The following NCAPD2 variants were observed in gnomAD, a reference collection of about 807,000 sequenced individuals.
The protein encoded by NCAPD2 is condensin complex subunit 1.
NCAPD2 carries 100 observed loss-of-function variants against 164.5 expected under a neutral mutation model. The ratio of observed to expected loss-of-function variants is 0.61; its 90% confidence interval spans 0.52 to 0.72. The LOEUF is 0.72. Ranked by LOEUF, NCAPD2 falls within the 30% of genes least tolerant of loss-of-function variation. NCAPD2 has a pLI of 0.00. For synonymous variants in NCAPD2, 585 were observed against 642.6 expected (o/e 0.91, Z 1.36); for missense variants, 1,560 against 1,749.2 (o/e 0.89, Z 1.93).
chr12:6,512,324 C>T (rs1045295399), intron 6 of NCAPD2, among the ~76,000 whole-genome samples: 3 of 147,416 alleles, frequency 2.0e-5, no homozygotes, highest in African/African-American at 7.5e-5. Context: ...GACAGACAAA[C>T]AGACAGACAA....
intron 16 of NCAPD2, 77 bp from the exon 17 acceptor site, chr12:6,523,185 G>A (rs968060498): frequency 4.0e-6 from 6 of 1,500,854 alleles, no homozygotes; most frequent in Non-Finnish European, 5.6e-6. Context: ...GCACTGTGGT[G>A]GGATAGCCCT....
intron 2 of NCAPD2, among the ~76,000 whole-genome samples, chr12:6,504,202 T>G (rs368635930): frequency 3.6e-4 from 8 of 22,032 alleles, no homozygotes; most frequent in East Asian, 1.5e-3. Context: ...TATATATATA[T>G]ATATATATAT....
rs530151221 is a variant in NCAPD2 at position 6,509,720 on chromosome 12, T to C, written c.131T>C (p.Phe44Ser). The change falls in exon 3 of 32, where the codon TTT becomes TCT. Residue 44 changes from phenylalanine to serine, a missense_variant. Physicochemically the swap from Phe to Ser is radical, Grantham distance 155. Coordinates refer to ENST00000315579, the MANE Select transcript of NCAPD2 (RefSeq NM_014865.4). Reference sequence around the variant, plus strand: ...TTTGTTTTTTCCATCTTCATAGCTTTTCAGGCTGCCTTTCGAGCTCAGGGG... The same window carrying C: ...TTTGTTTTTTCCATCTTCATAGCTTCTCAGGCTGCCTTTCGAGCTCAGGGG... ...IKHLPPQLRAFQAAFRAQGPL... is the reference protein window; with the variant it reads ...IKHLPPQLRASQAAFRAQGPL... 10 of 1,614,032 alleles carry C rather than the reference T, an allele frequency of 6.2e-6. No individual in the cohort carries two copies. Among genetic ancestry groups the C allele is most frequent in the African/African-American group, 5.3e-5 (4 of 75,056 alleles).
At chr12:6,518,509 T>TGTTTTTTTTTTTG (rs1555139592) in intron 13 of NCAPD2, among the ~76,000 whole-genome samples, 2 of 95,638 alleles carry the variant, frequency 2.1e-5, no homozygotes, top group African/African-American at 9.4e-5. Context: ...AACAAGTTTT[T>TGTTTTTTTTTTTG]TTTTTTTTTT....
chr12:6,523,807 T>C (rs1218671467), intron 17 of NCAPD2, among the ~76,000 whole-genome samples: 1 of 152,242 alleles, frequency 6.6e-6, no homozygotes, highest in Non-Finnish European at 1.5e-5. Context: ...AACAGTCTAG[T>C]TGGTAGTGAA....
Position 6,517,655 on chromosome 12 carries a change from G to A in NCAPD2, c.1380G>A (p.Met460Ile), listed in dbSNP as rs748013479. The change falls in exon 12 of 32, where the codon ATG becomes ATA. Residue 460 changes from methionine to isoleucine, a missense_variant. Met to Ile is a conservative substitution (Grantham distance 10). Transcript: ENST00000315579. ...LQKETQKLQEMRAQRRTAAAS... is the reference protein window; with the variant it reads ...LQKETQKLQEIRAQRRTAAAS... Reference sequence around the variant, plus strand: ...AGGAGACCCAGAAATTACAAGAGATGAGGGCCCAGAGGCGAACTGCAGCAG... The same window carrying A: ...AGGAGACCCAGAAATTACAAGAGATAAGGGCCCAGAGGCGAACTGCAGCAG... 1.2e-6 allele frequency: 2 copies of A among 1,614,228 alleles called. No individual in the cohort carries two copies. The highest frequency in any genetic ancestry group is 3.3e-5 in the Admixed American group (2 of 60,022).
Position 6,514,821 on chromosome 12 carries a change from G to C in NCAPD2, c.888G>C (p.Gly296=). 1 of 1,614,202 alleles carries C rather than the reference G, an allele frequency of 6.2e-7. No individual in the cohort carries two copies. Residue 296 remains glycine (G), a synonymous_variant, in exon 9 of 32, where the codon GGG becomes GGC. Coordinates refer to ENST00000315579, the MANE Select transcript of NCAPD2 (RefSeq NM_014865.4). ...AAGAGCTGAGTCGAGACCCTTCAGG[G>C]ACAAAGGGCTTTGCAGCATTCCTGA... ...CPQELSRDPS[G]TKGFAAFLTE...
At position 6,526,541 on chromosome 12, in the gene NCAPD2, C is replaced by T; in HGVS notation, c.2660C>T (p.Ala887Val). The T allele has an allele frequency of 1.9e-6, 3 of 1,614,144 alleles. No individual in the cohort carries two copies. ...GCAGAGGGCCCCGAAGTGATCTGTGCCCAGATATTGCAGGGCTGTGCAAAA... is the reference window on the plus strand; with the variant it reads ...GCAGAGGGCCCCGAAGTGATCTGTGTCCAGATATTGCAGGGCTGTGCAAAA... ...QLAEGPEVIC[A>V]QILQGCAKQA... The change falls in exon 21 of 32, where the codon GCC becomes GTC. Residue 887 changes from alanine (A) to valine (V), a missense_variant. Coordinates refer to ENST00000315579, the MANE Select transcript of NCAPD2 (RefSeq NM_014865.4).
At chr12:6,521,502 C>T (rs147922537) in intron 14 of NCAPD2, among the ~76,000 whole-genome samples, 62 of 152,174 alleles carry the variant, frequency 4.1e-4, no homozygotes, top group African/African-American at 1.4e-3. Flanking sequence ...AGCAACATGA[C>T]GAAACCCCCA....
At chr12:6,498,135 C>T (rs1450449496) in intron 2 of NCAPD2, among the ~76,000 whole-genome samples, 1 of 151,662 alleles carries the variant, frequency 6.6e-6, no homozygotes, top group Non-Finnish European at 1.5e-5. Flanking sequence ...TCTCAAACTC[C>T]CGAGCTCAAG....
In NCAPD2 at chr12:6,530,814, A is replaced by G. The variant is rs770899017; in HGVS notation, c.3961A>G (p.Thr1321Ala). Residue 1321 changes from threonine to alanine, a missense_variant, in exon 30 of 32, where the codon ACT becomes GCT. Transcript: ENST00000315579. ...QRAPSAKKPS[T>A]GSRYQPLAST... ...AGCGCCATCAGCCAAGAAACCATCC[A>G]CTGGTACGTAAGGCAGCCTGTGCGG... 5.0e-6 allele frequency: 8 copies of G among 1,614,042 alleles called. No individual in the cohort carries two copies. Among genetic ancestry groups the G allele is most frequent in the East Asian group, 2.2e-5 (1 of 44,896 alleles).
intron 13 of NCAPD2, among the ~76,000 whole-genome samples, chr12:6,518,504 GTTTTTTTTTTTTTT>G (rs56183938): frequency 1.8e-4 from 8 of 44,782 alleles, no homozygotes; most frequent in East Asian, 1.3e-3. Flanking sequence ...CCGTCAACAA[GTTTTTTTTTTTTTT>G]TTTTTTTTTT....
chr12:6,519,409 C>T (rs1318755974), intron 13 of NCAPD2, among the ~76,000 whole-genome samples: 1 of 152,120 alleles, frequency 6.6e-6, no homozygotes, highest in African/African-American at 2.4e-5. Context: ...AGTACAGTAG[C>T]GCAATCACAG....
intron 18 of NCAPD2, 131 bp downstream of exon 18, chr12:6,525,847 A>G (rs1353419572): frequency 2.3e-6 from 3 of 1,333,032 alleles, no homozygotes; most frequent in South Asian, 1.4e-5. Context: ...CGCCACCTAA[A>G]TGGAAAAGCA....
At position 6,528,177 on chromosome 12, in the gene NCAPD2, A is replaced by G; in HGVS notation, c.3148A>G (p.Thr1050Ala). 1.2e-6 allele frequency: 2 copies of G among 1,614,092 alleles called. No individual in the cohort carries two copies. Among genetic ancestry groups the G allele is most frequent in the East Asian group, 4.5e-5 (2 of 44,876 alleles). ...TGATCCTCTTCTTGCTCTTAGTGCC[A>G]CTTTCTGCGACTCCCAGCTTCGTCT... Reference protein sequence around the residue: ...ALGKFCMISATFCDSQLRLLF... With the variant: ...ALGKFCMISAAFCDSQLRLLF... Residue 1050 changes from threonine to alanine, a missense_variant, in exon 25 of 32, where the codon ACT becomes GCT. Coordinates refer to ENST00000315579, the MANE Select transcript of NCAPD2 (RefSeq NM_014865.4). The surrounding 1 kb of genome is among the most constrained non-coding windows in gnomAD (Gnocchi z 5.1).
intron 2 of NCAPD2, among the ~76,000 whole-genome samples, chr12:6,505,285 C>T (rs192832541): frequency 5.4e-4 from 82 of 152,234 alleles, no homozygotes; most frequent in African/African-American, 2.0e-3. Context: ...AGGCTGGTCT[C>T]GAGCTCCTCA....
intron 2 of NCAPD2, among the ~76,000 whole-genome samples, chr12:6,502,926 C>T (rs368254038): frequency 6.6e-6 from 1 of 151,550 alleles, no homozygotes. Context: ...TCTCGGCTCA[C>T]TGCAACCTCC....
intron 15 of NCAPD2, among the ~76,000 whole-genome samples, chr12:6,522,256 A>T (rs1179623637): frequency 6.6e-6 from 1 of 151,798 alleles, no homozygotes; most frequent in East Asian, 1.9e-4. Flanking sequence ...GTTCTTTTCC[A>T]TATTTTATTG....
chr12:6,523,391 TTTGG>T (rs774265125), intron 17 of NCAPD2, 45 bp downstream of exon 17: 2 of 1,354,732 alleles, frequency 1.5e-6, no homozygotes, highest in Non-Finnish European at 2.0e-6. Flanking sequence ...CAACAAGTAT[TTTGG>T]TTGTTTTTTT....
Sources: gnomAD v4.1 joint callset for allele counts (sites outside exome capture counted in the v4.1 genomes callset) on GRCh38, gnomAD v4.1.1 for gene constraint, Gnocchi (gnomAD v3.1) non-coding constraint, MANE v1.5 for transcripts, NCBI Gene and HGNC (gene_info 2026-07-23, HGNC 2026-07-21) for gene names.